ANXA11: variants seen among roughly 807,000 people sequenced by gnomAD.
The protein encoded by ANXA11 is 56 kDa autoantigen.
In ANXA11, 57 loss-of-function variants were observed where a neutral mutation model predicts 64.7. That is an observed-to-expected ratio of 0.88 (90% CI 0.71 to 1.10). The LOEUF (loss-of-function observed/expected upper bound fraction) is 1.10. ANXA11 is among the 50% of genes least tolerant of loss of function. The probability of loss-of-function intolerance (pLI) is 0.00; values close to 1 mark genes in which losing one functional copy is unlikely to be tolerated. For missense variants in ANXA11, 675 were observed against 670.7 expected, an observed-to-expected ratio of 1.01 and a Z score of -0.07; for synonymous variants, 260 against 265.2, an observed-to-expected ratio of 0.98 and a Z score of 0.19.
At chr10:80,161,573 ATC>A (rs1390868386) in intron 12 of ANXA11, among the ~76,000 whole-genome samples, 2 of 152,180 alleles carry the variant, frequency 1.3e-5, no homozygotes, top group Admixed American at 1.3e-4. Flanking sequence ...CGCGATTTAC[ATC>A]TGTTGAATGA....
intron 1 of ANXA11, among the ~76,000 whole-genome samples, chr10:80,180,742 A>C (rs1275874261): frequency 6.6e-6 from 1 of 152,154 alleles, no homozygotes; most frequent in Non-Finnish European, 1.5e-5. Flanking sequence ...GTATCCATAA[A>C]ATTTAAATAT....
chr10:80,193,086 T>C lies in ANXA11; in HGVS notation c.-58+12257A>G, dbSNP rs188215991. On this transcript the variant is annotated intron_variant, in intron 1 of 15. Transcript: ENST00000422982. ...GAGCAACCAGACCAGTTTGGAACAA[T>C]AGATACACAGAAAATCAGGCCCCCA... 1.6e-4 allele frequency among the ~76,000 whole-genome samples: 25 copies of C among 152,204 alleles called. No individual in the cohort carries two copies. In the East Asian group the frequency reaches 4.1e-3, roughly 25 times the overall value.
At chr10:80,190,065 A>G (rs1846704592) in intron 1 of ANXA11, among the ~76,000 whole-genome samples, 1 of 152,264 alleles carries the variant, frequency 6.6e-6, no homozygotes, top group African/African-American at 2.4e-5. Context: ...CAAAGGAGTC[A>G]AATTCCTAAG....
At position 80,156,811 on chromosome 10, in the gene ANXA11, A is replaced by G. The variant is rs11817239; in HGVS notation, c.1458+830T>C. ...GAGCCACTGTGCCCAGCCTAGAATCACTAATTCTCTAACAACAGCTTCATT... is the reference window on the plus strand; with the variant it reads ...GAGCCACTGTGCCCAGCCTAGAATCGCTAATTCTCTAACAACAGCTTCATT... On this transcript the variant is annotated intron_variant, in intron 15 of 15. Transcript: ENST00000422982. 6.1e-3 allele frequency among the ~76,000 whole-genome samples: 925 copies of G among 152,244 alleles called. 13 individuals are homozygous for G. The highest frequency in any genetic ancestry group is 0.021 in the African/African-American group (874 of 41,530).
rs1170082588 is a variant in ANXA11 at position 80,170,805 on chromosome 10, C to T, written c.166G>A (p.Gly56Arg). 6.7e-7 allele frequency: 1 copy of T among 1,482,728 alleles called. No individual in the cohort carries two copies. 91.8% of individuals were successfully genotyped at this position (1,482,728 alleles called of 1,614,324 possible). A position where few individuals can be genotyped will look rare whatever the true frequency, so the allele number is the denominator to read the frequency against. ...AGQFNQDYLS[G>R]MAANMSGTFG... ...AGCAGGAGAGCTGGACTCACCATTC[C>T]CGAGAGATAGTCCTGGTTGAACTGC... is the stretch of plus-strand genomic sequence containing the variant. The change falls in exon 4 of 16, where the codon GGA (glycine) becomes AGA (arginine). Residue 56 changes from glycine to arginine, a missense_variant. Physicochemically the swap from Gly to Arg is moderately radical, Grantham distance 125. Coordinates refer to ENST00000422982, the MANE Select transcript of ANXA11 (RefSeq NM_145868.2).
At chr10:80,166,286 C>T in intron 7 of ANXA11, 89 bp from the exon 8 acceptor site, 1 of 759,014 alleles carries the variant, frequency 1.3e-6, no homozygotes, top group South Asian at 1.7e-5. Flanking sequence ...GAGCCATATC[C>T]CAGATTTGAG....
intron 1 of ANXA11, among the ~76,000 whole-genome samples, chr10:80,176,381 A>C (rs1225968028): frequency 6.6e-6 from 1 of 152,202 alleles, no homozygotes; most frequent in Non-Finnish European, 1.5e-5. Context: ...AAAACCCAGA[A>C]ACATACAAAC....
intron 1 of ANXA11, among the ~76,000 whole-genome samples, chr10:80,186,499 A>G (rs1313955999): frequency 6.6e-6 from 1 of 152,030 alleles, no homozygotes; most frequent in Non-Finnish European, 1.5e-5. Flanking sequence ...CCACTCCAAG[A>G]GTAGAGGGGA....
At chr10:80,196,430 T>C (rs1313486607) in intron 1 of ANXA11, among the ~76,000 whole-genome samples, 2 of 152,168 alleles carry the variant, frequency 1.3e-5, no homozygotes, top group Non-Finnish European at 2.9e-5. Flanking sequence ...CTCTGACTCA[T>C]TTCTTTCACT....
intron 1 of ANXA11, among the ~76,000 whole-genome samples, chr10:80,197,371 A>AT (rs1445189586): frequency 6.6e-6 from 1 of 152,210 alleles, no homozygotes; most frequent in Non-Finnish European, 1.5e-5. Context: ...GCCACTCAGA[A>AT]AAGTACCAGC....
At chr10:80,162,133 A>C in intron 11 of ANXA11, 105 bp from the exon 12 acceptor site, 1 of 890,010 alleles carries the variant, frequency 1.1e-6, no homozygotes, top group South Asian at 1.6e-5. Context: ...AGCCTAAAGT[A>C]TTTGCCAATT....
chr10:80,189,769 T>C (rs1250994103), intron 1 of ANXA11, among the ~76,000 whole-genome samples: 1 of 152,200 alleles, frequency 6.6e-6, no homozygotes, highest in Non-Finnish European at 1.5e-5. Context: ...TCAACCTATA[T>C]ACCTAAAGGA....
intron 2 of ANXA11, 187 bp from the exon 3 acceptor site, chr10:80,173,056 C>A (rs1239303261): frequency 1.8e-6 from 1 of 568,386 alleles, no homozygotes; most frequent in Non-Finnish European, 3.1e-6. Flanking sequence ...GAAACAGTAC[C>A]CACCAGCATG....
Position 80,179,995 on chromosome 10 carries a change from C to T in ANXA11, c.-57-3840G>A, listed in dbSNP as rs532110955. Reference sequence around the variant, plus strand: ...ACTGCATCAGAAGCCAGCCTCAAAGCGTCTGGTGAATGCCAAAAGCATAGA... The same window carrying T: ...ACTGCATCAGAAGCCAGCCTCAAAGTGTCTGGTGAATGCCAAAAGCATAGA... On this transcript the variant is annotated intron_variant, in intron 1 of 15. Coordinates refer to ENST00000422982, the MANE Select transcript of ANXA11 (RefSeq NM_145868.2). Among the ~76,000 whole-genome samples the T allele has an allele frequency of 4.4e-4, 67 of 152,270 alleles. 2 individuals carry two copies. The highest frequency in any genetic ancestry group is 1.5e-3 in the African/African-American group (61 of 41,542).
At chr10:80,191,373 G>A (rs888447952) in intron 1 of ANXA11, among the ~76,000 whole-genome samples, 1 of 152,174 alleles carries the variant, frequency 6.6e-6, no homozygotes, top group African/African-American at 2.4e-5. Flanking sequence ...GGGTGACAGA[G>A]TGAGACTCTG....
At chr10:80,169,477 G>T in intron 4 of ANXA11, 119 bp from the exon 5 acceptor site, 1 of 1,191,256 alleles carries the variant, frequency 8.4e-7, no homozygotes. Context: ...GGAATATGAA[G>T]TACCGTTATA....
At chr10:80,205,312 G>A (rs1348977306) in intron 1 of ANXA11, 31 bp downstream of exon 1, 1 of 151,794 alleles carries the variant, frequency 6.6e-6, no homozygotes, top group African/African-American at 2.4e-5. Flanking sequence ...CCTGGTCCCA[G>A]GCCCCCAGCC....
intron 1 of ANXA11, among the ~76,000 whole-genome samples, chr10:80,191,401 AAAC>A (rs1028479458): frequency 1.3e-5 from 2 of 152,054 alleles, no homozygotes; most frequent in Non-Finnish European, 2.9e-5. Flanking sequence ...AAACAAAAAC[AAAC>A]AACAACAAAA....
intron 6 of ANXA11, 38 bp downstream of exon 6, chr10:80,167,188 G>A: frequency 1.3e-6 from 2 of 1,592,468 alleles, no homozygotes; most frequent in African/African-American, 1.3e-5. Flanking sequence ...GGAAATAGGG[G>A]GCAGGGAGTA....
Sources: allele counts gnomAD v4.1 joint callset (sites outside exome capture counted in the v4.1 genomes callset), GRCh38; gene constraint gnomAD v4.1.1; transcripts MANE v1.5; gene names NCBI Gene and HGNC (gene_info 2026-07-23, HGNC 2026-07-21).